The following OR1J2 variants were observed in gnomAD, a reference collection of about 807,000 sequenced individuals.
The protein encoded by OR1J2 is olfactory receptor 1J2.
For synonymous variants in OR1J2, 142 were observed against 99.7 expected, an observed-to-expected ratio of 1.42 and a Z score of -2.52; for missense variants, 304 against 246.1, an observed-to-expected ratio of 1.24 and a Z score of -1.57.
downstream of OR1J2, among the ~76,000 whole-genome samples, chr9:122,515,774 T>C (rs1035887378): frequency 1.3e-5 from 2 of 152,196 alleles, no homozygotes; most frequent in Non-Finnish European, 2.9e-5. Flanking sequence ...TTTCTTCTTT[T>C]GTGTAGCATC....
the OR1J2 span, among the ~76,000 whole-genome samples, chr9:122,543,891 C>T: frequency 6.6e-6 from 1 of 152,188 alleles, no homozygotes; most frequent in Admixed American, 6.5e-5. Context: ...AAAATAAATG[C>T]AGTTGTTATT....
chr9:122,510,907 C>G lies in OR1J2; in HGVS notation c.106C>G (p.Leu36Val). The G allele has an allele frequency of 1.9e-6, 3 of 1,612,302 alleles. No homozygotes were observed. Among genetic ancestry groups the G allele is most frequent in the Middle Eastern group, 1.7e-4 (1 of 6,060 alleles). ...VFFTLFLGMY[L>V]TTVLGNLLIM... ...CTTCACCCTGTTCCTGGGCATGTAC[C>G]TGACCACGGTGCTGGGGAACCTGCT... is the stretch of plus-strand genomic sequence containing the variant. The change falls in exon 1 of 1, where the codon CTG becomes GTG. Residue 36 changes from leucine (L) to valine (V), a missense_variant. Physicochemically the swap from Leu to Val is conservative, Grantham distance 32. Transcript: ENST00000335302.
the OR1J2 span, among the ~76,000 whole-genome samples, chr9:122,558,311 CTTTTTTTTTT>C: frequency 3.8e-4 from 13 of 34,472 alleles, no homozygotes; most frequent in South Asian, 2.1e-3. Context: ...TTGGATTTTG[CTTTTTTTTTT>C]TTTTTTTTTT....
At chr9:122,547,764 G>T in the OR1J2 span, among the ~76,000 whole-genome samples, 1 of 151,962 alleles carries the variant, frequency 6.6e-6, no homozygotes, top group Non-Finnish European at 1.5e-5. Flanking sequence ...TACAGGTGCA[G>T]GTATCTTTTT....
At position 122,511,065 on chromosome 9, in the gene OR1J2, G is replaced by A. The variant is rs768283749; in HGVS notation, c.264G>A (p.Lys88=). 8.8e-6 allele frequency: 12 copies of A among 1,362,342 alleles called. No homozygotes were observed. The highest frequency in any genetic ancestry group is 1.2e-5 in the Non-Finnish European group (12 of 961,380). The allele number at this position is 1,362,342 out of a possible 1,614,324, so 84.4% of individuals were successfully genotyped here. ...VPKMLMDMRT[K]YKSILYEECI... ...AGATGCTGATGGACATGCGGACTAAGTACAAATCGATCCTCTATGAGGAAT... is the reference window on the plus strand; with the variant it reads ...AGATGCTGATGGACATGCGGACTAAATACAAATCGATCCTCTATGAGGAAT... Residue 88 remains lysine, a synonymous_variant, in exon 1 of 1, where the codon AAG becomes AAA. Coordinates refer to ENST00000335302, the MANE Select transcript of OR1J2 (RefSeq NM_054107.1).
chr9:122,574,514 A>G, the OR1J2 span, among the ~76,000 whole-genome samples: 2 of 152,122 alleles, frequency 1.3e-5, no homozygotes, highest in African/African-American at 2.4e-5. Flanking sequence ...TATTTAAGAG[A>G]ACAATGGCTT....
chr9:122,471,733 T>A, the OR1J2 span, among the ~76,000 whole-genome samples: 3 of 152,134 alleles, frequency 2.0e-5, no homozygotes, highest in Non-Finnish European at 4.4e-5. Flanking sequence ...ATCCTATTGA[T>A]CAAATTTCTA....
At chr9:122,571,942 G>C in the OR1J2 span, among the ~76,000 whole-genome samples, 2 of 152,126 alleles carry the variant, frequency 1.3e-5, no homozygotes, top group Non-Finnish European at 2.9e-5. Context: ...AAGTAAAGAG[G>C]TTCAATTGCC....
the OR1J2 span, among the ~76,000 whole-genome samples, chr9:122,454,961 C>T: frequency 6.6e-6 from 1 of 152,070 alleles, no homozygotes; most frequent in East Asian, 1.9e-4. Flanking sequence ...ACAAATGAAA[C>T]ACAAAAAAAG....
upstream of OR1J2, among the ~76,000 whole-genome samples, chr9:122,510,408 A>G (rs188011434): frequency 4.6e-5 from 7 of 152,274 alleles, no homozygotes; most frequent in Admixed American, 3.3e-4. Flanking sequence ...ATTTGCCTCA[A>G]TGCTTTTTTC....
At chr9:122,576,233 AT>A in the OR1J2 span, among the ~76,000 whole-genome samples, 1 of 147,796 alleles carries the variant, frequency 6.8e-6, no homozygotes, top group African/African-American at 2.5e-5. Context: ...ATTTTTTTTT[AT>A]TTTTTAAGAC....
At chr9:122,553,753 A>C in the OR1J2 span, 1 of 1,613,560 alleles carries the variant, frequency 6.2e-7, no homozygotes, top group African/African-American at 1.3e-5. Context: ...CCTCATTTCT[A>C]TTGTGATCCT....
chr9:122,487,012 T>C, the OR1J2 span, among the ~76,000 whole-genome samples: 1 of 152,064 alleles, frequency 6.6e-6, no homozygotes, highest in African/African-American at 2.4e-5. Context: ...TCCCAGAAAG[T>C]AAATTTCTCG....
At chr9:122,481,076 G>A in the OR1J2 span, among the ~76,000 whole-genome samples, 2 of 152,176 alleles carry the variant, frequency 1.3e-5, no homozygotes, top group African/African-American at 4.8e-5. Context: ...TTACAGGCGT[G>A]AGCCACTGCG....
chr9:122,524,376 A>G, the OR1J2 span, among the ~76,000 whole-genome samples: 1 of 152,346 alleles, frequency 6.6e-6, no homozygotes, highest in East Asian at 1.9e-4. Flanking sequence ...TAAGTAATGT[A>G]TGACTGTATA....
At chr9:122,533,518 G>C in the OR1J2 span, among the ~76,000 whole-genome samples, 1 of 152,008 alleles carries the variant, frequency 6.6e-6, no homozygotes, top group Non-Finnish European at 1.5e-5. Flanking sequence ...AAGTGAAGGA[G>C]GCTTTGAACT....
the OR1J2 span, among the ~76,000 whole-genome samples, chr9:122,574,627 A>G: frequency 1.3e-5 from 2 of 152,018 alleles, no homozygotes; most frequent in African/African-American, 2.4e-5. Context: ...CAATCAAATC[A>G]TCTGTGAACA....
At chr9:122,489,533 C>T in the OR1J2 span, among the ~76,000 whole-genome samples, 3 of 152,038 alleles carry the variant, frequency 2.0e-5, no homozygotes, top group Non-Finnish European at 1.5e-5. Flanking sequence ...TTGCATGAGG[C>T]CCAGTGACGA....
the OR1J2 span, chr9:122,567,853 C>A: frequency 1.2e-6 from 2 of 1,613,976 alleles, no homozygotes. Flanking sequence ...AAACGAGTCA[C>A]CAAAACAATA....
Sources: allele counts gnomAD v4.1 joint callset (sites outside exome capture counted in the v4.1 genomes callset), GRCh38; gene constraint gnomAD v4.1.1; transcripts MANE v1.5; gene names NCBI Gene and HGNC (gene_info 2026-07-23, HGNC 2026-07-21).